Variants in HIC1 observed in about 807,000 individuals in gnomAD.
The protein encoded by HIC1 is HIC ZBTB transcriptional repressor 1, also known as hypermethylated in cancer 1 protein.
HIC1 carries 9 observed loss-of-function variants against 26.4 expected under a neutral mutation model. That is an observed-to-expected ratio of 0.34 (90% CI 0.21 to 0.59). The LOEUF is 0.59. HIC1 is among the 20% of genes least tolerant of loss of function. The pLI, the probability that HIC1 is intolerant of heterozygous loss-of-function variation, is 0.82. For missense variants in HIC1, 965 were observed against 1,075.7 expected, an observed-to-expected ratio of 0.90 and a Z score of 1.44; for synonymous variants, 631 against 523.1, an observed-to-expected ratio of 1.21 and a Z score of -2.81.
rs2067696725 is a variant in HIC1 at position 2,058,473 on chromosome 17, G to A, written c.1783G>A (p.Ala595Thr). ...CCTCATCAGCCACATGAAGATGCAC[G>A]CCGTGGGGGGCGCGGCCGGCGCGGC... ...RNLISHMKMH[A>T]VGGAAGAAGA... is the part of the protein sequence containing the mutation. Residue 595 changes from alanine to threonine, a missense_variant, in exon 2 of 2, where the codon GCC (alanine) becomes ACC (threonine). Physicochemically the swap from Ala to Thr is moderately conservative, Grantham distance 58. This residue lies in a region of HIC1 where 210 missense variants were observed against 179.2 expected (regional missense o/e 1.17). Coordinates refer to ENST00000619757, the MANE Select transcript of HIC1 (RefSeq NM_006497.4). The A allele has an allele frequency of 6.6e-7, 1 of 1,523,434 alleles. No homozygotes were observed. Among genetic ancestry groups the A allele is most frequent in the Non-Finnish European group, 8.7e-7 (1 of 1,144,384 alleles). The allele number at this position is 1,523,434 out of a possible 1,614,324, so 94.4% of individuals were successfully genotyped here. A position where few individuals can be genotyped will look rare whatever the true frequency, so the allele number is the denominator to read the frequency against.
chr17:2,059,581 G>C lies in HIC1; in HGVS notation c.*746G>C, dbSNP rs1386201208. On this transcript the variant is annotated 3_prime_UTR_variant, in exon 2 of 2. Coordinates refer to ENST00000619757, the MANE Select transcript of HIC1 (RefSeq NM_006497.4). ...GCTGGGCTGGAACGCGGTCTCTTTA[G>C]CTCCCTCCTCTTCGTTTGTATATTT... 1.8e-5 allele frequency: 3 copies of C among 167,062 alleles called. No homozygotes were observed. Among genetic ancestry groups the C allele is most frequent in the Non-Finnish European group, 2.9e-5 (2 of 68,164 alleles). The allele number at this position is 167,062 out of a possible 1,614,324, so 10.3% of individuals were successfully genotyped here. A position where few individuals can be genotyped will look rare whatever the true frequency, so the allele number is the denominator to read the frequency against.
chr17:2,058,072 C>A lies in HIC1; in HGVS notation c.1382C>A (p.Ala461Asp). ...GCGGCCGAAGTGGCCGCTGGGGCCG[C>A]CGGCCTAGGGCCCCCTTTTGGAGGC... ...AEAAEVAAGA[A>D]GLGPPFGGGG... Residue 461 changes from alanine (A) to aspartate (D), a missense_variant, in exon 2 of 2, where the codon GCC (alanine) becomes GAC (aspartate). Coordinates refer to ENST00000619757, the MANE Select transcript of HIC1 (RefSeq NM_006497.4). 1 of 1,581,966 alleles carries A rather than the reference C, an allele frequency of 6.3e-7. No individual in the cohort carries two copies. Among genetic ancestry groups the A allele is most frequent in the South Asian group, 1.1e-5 (1 of 88,646 alleles).
rs962064096 is a variant in HIC1 at position 2,060,515 on chromosome 17, G to C, written c.*1680G>C. 6.6e-6 allele frequency: 1 copy of C among 152,290 alleles called. No homozygotes were observed. The highest frequency in any genetic ancestry group is 2.1e-4 in the South Asian group (1 of 4,840). The allele number at this position is 152,290 out of a possible 1,614,324, so 9.4% of individuals were successfully genotyped here. A position where few individuals can be genotyped will look rare whatever the true frequency, so the allele number is the denominator to read the frequency against. On this transcript the variant is annotated 3_prime_UTR_variant, in exon 2 of 2. Coordinates refer to ENST00000619757, the MANE Select transcript of HIC1 (RefSeq NM_006497.4). Reference sequence around the variant, plus strand: ...CTGCCATGGGTAGTAGAGAGGGAAAGTTCAGAGTGAGAACCCCTATGACGA... The same window carrying C: ...CTGCCATGGGTAGTAGAGAGGGAAACTTCAGAGTGAGAACCCCTATGACGA...
Position 2,058,301 on chromosome 17 carries a change from C to T in HIC1, c.1611C>T (p.Ser537=). The change falls in exon 2 of 2, where the codon AGC becomes AGT. Residue 537 remains serine, a synonymous_variant. Coordinates refer to ENST00000619757, the MANE Select transcript of HIC1 (RefSeq NM_006497.4). ...QRGTMTRHMR[S]HLGLKPFACD... is the part of the protein sequence containing the mutation. ...GGACCATGACGCGCCACATGCGCAG[C>T]CACCTGGGCCTCAAGCCCTTCGCGT... 1.2e-6 allele frequency: 2 copies of T among 1,609,482 alleles called. No homozygotes were observed. The highest frequency in any genetic ancestry group is 2.2e-5 in the South Asian group (2 of 90,700).
intron 1 of HIC1, chr17:2,056,314 CT>C: frequency 6.2e-7 from 1 of 1,613,198 alleles, no homozygotes; most frequent in Non-Finnish European, 8.5e-7. Flanking sequence ...CCCTGAATGA[CT>C]TTTCCTGAAG....
At chr17:2,056,495 G>GGGCC (rs2067673803) in intron 1 of HIC1, 176 bp from the exon 2 acceptor site, 2 of 1,305,766 alleles carry the variant, frequency 1.5e-6, no homozygotes, top group Middle Eastern at 2.5e-4. Context: ...TGGTCCGGGC[G>GGGCC]GGCCGGCCTG....
rs2067664933 is a variant in HIC1, at chr17:2,055,658, G to A, written c.-21+420G>A. Among the ~76,000 whole-genome samples, 1 of 150,986 alleles carries A rather than the reference G, an allele frequency of 6.6e-6. No homozygotes were observed. The highest frequency in any genetic ancestry group is 2.4e-5 in the African/African-American group (1 of 41,148). ...GGCCGCGGGGCCCCGCGGGCCAGGAGGGGAACGGGGTCGGGCGGGCGAGCA... is the reference window on the plus strand; with the variant it reads ...GGCCGCGGGGCCCCGCGGGCCAGGAAGGGAACGGGGTCGGGCGGGCGAGCA... On this transcript the variant is annotated intron_variant, in intron 1 of 1. Transcript: ENST00000619757. The surrounding 1 kb of genome is among the most constrained non-coding windows in gnomAD (Gnocchi z 6.4).
Position 2,056,864 on chromosome 17 carries a change from G to A in HIC1, c.174G>A (p.Val58=), listed in dbSNP as rs1341441019. The change falls in exon 2 of 2, where the codon GTG becomes GTA. Residue 58 remains valine, a synonymous_variant. Transcript: ENST00000619757. ...GCGCCTACCTCAAGTCCCTGGTGGT[G>A]CATGACAACCTGCTCAACCTGGACC... ...ASSAYLKSLV[V]HDNLLNLDHD... 6.2e-7 allele frequency: 1 copy of A among 1,612,854 alleles called. No homozygotes were observed. The highest frequency in any genetic ancestry group is 2.2e-5 in the East Asian group (1 of 44,890).
In HIC1 at chr17:2,055,896, C is replaced by T. The variant is rs936676587; in HGVS notation, c.-21+658C>T. 1.3e-5 allele frequency among the ~76,000 whole-genome samples: 2 copies of T among 150,620 alleles called. No homozygotes were observed. The highest frequency in any genetic ancestry group is 3.9e-4 in the East Asian group (2 of 5,140). On this transcript the variant is annotated intron_variant, in intron 1 of 1. Transcript: ENST00000619757. The surrounding 1 kb of genome is among the most constrained non-coding windows in gnomAD (Gnocchi z 6.4). ...AGGCGCCGGGCCCGCGCGTGTAGGG[C>T]CCAGGCCGAGGCCGGGACGCGGGTG...
rs2067664697 is a variant in HIC1, at chr17:2,055,629, A to G, written c.-21+391A>G. Among the ~76,000 whole-genome samples the G allele has an allele frequency of 6.7e-6, 1 of 148,942 alleles. No individual in the cohort carries two copies. Among genetic ancestry groups the G allele is most frequent in the Admixed American group, 6.6e-5 (1 of 15,116 alleles). The stretch of plus-strand genomic sequence containing the variant: ...AGCCCGGCCCGCCGGGACCGCAGGT[A>G]ACGGGCCGCGGGGCCCCGCGGGCCA... On this transcript the variant is annotated intron_variant, in intron 1 of 1. Transcript: ENST00000619757. This position sits in a 1 kb window ranked among gnomAD's most constrained non-coding sequence, Gnocchi z 6.4.
rs745984814 is a variant in HIC1 at position 2,057,943 on chromosome 17, A to G, written c.1253A>G (p.Tyr418Cys). The G allele has an allele frequency of 6.2e-7, 1 of 1,610,746 alleles. No homozygotes were observed. Among genetic ancestry groups the G allele is most frequent in the South Asian group, 1.1e-5 (1 of 90,660 alleles). The change falls in exon 2 of 2, where the codon TAC becomes TGC. Residue 418 changes from tyrosine (Y) to cysteine (C), a missense_variant. By Grantham distance (194) the Tyr-to-Cys change is radical. Around this residue, in one of 6 missense-constraint regions of HIC1, gnomAD observed 15 missense variants for 36.2 expected, o/e 0.41. Coordinates refer to ENST00000619757, the MANE Select transcript of HIC1 (RefSeq NM_006497.4). ...GEPESFGDNL[Y>C]VCIPCGKGFP... ...CCCGAGAGCTTCGGTGACAACCTGT[A>G]CGTGTGCATTCCGTGCGGCAAGGGC...
At position 2,057,882 on chromosome 17, in the gene HIC1, G is replaced by C; in HGVS notation, c.1192G>C (p.Glu398Gln). 6.9e-6 allele frequency: 11 copies of C among 1,600,370 alleles called. No individual in the cohort carries two copies. The highest frequency in any genetic ancestry group is 1.1e-5 in the South Asian group (1 of 89,308). Residue 398 changes from glutamate (E) to glutamine (Q), a missense_variant, in exon 2 of 2, where the codon GAG (glutamate) becomes CAG (glutamine). By Grantham distance (29) the Glu-to-Gln change is conservative. Coordinates refer to ENST00000619757, the MANE Select transcript of HIC1 (RefSeq NM_006497.4). ...CCCCAGCCCGCCTGGCGGCCACCTC[G>C]AGGGCTACCCATGCCCGCACCTGGC... Reference protein sequence around the residue: ...EDPSPPGGHLEGYPCPHLAYG... With the variant: ...EDPSPPGGHLQGYPCPHLAYG...
chr17:2,057,253 C>A lies in HIC1; in HGVS notation c.563C>A (p.Pro188Gln). The change falls in exon 2 of 2, where the codon CCA becomes CAA. Residue 188 changes from proline (P) to glutamine (Q), a missense_variant. By Grantham distance (76) the Pro-to-Gln change is moderately conservative. This residue lies in a region of HIC1 where 526 missense variants were observed against 525.0 expected (regional missense o/e 1.00). Transcript: ENST00000619757. ...PPPAAEPPSGPEAAVNTHCAE... is the reference protein window; with the variant it reads ...PPPAAEPPSGQEAAVNTHCAE... ...CCTGCCGCGGAGCCGCCCTCGGGCC[C>A]AGAGGCCGCGGTCAACACGCACTGC... is the stretch of plus-strand genomic sequence containing the variant. The A allele has an allele frequency of 6.9e-7, 1 of 1,449,484 alleles. No homozygotes were observed. The highest frequency in any genetic ancestry group is 1.3e-5 in the South Asian group (1 of 76,408). 89.8% of individuals were successfully genotyped at this position (1,449,484 alleles called of 1,614,324 possible). A position where few individuals can be genotyped will look rare whatever the true frequency, so the allele number is the denominator to read the frequency against.
rs2067680924 is a variant in HIC1, at chr17:2,057,263, G to A, written c.573G>A (p.Ala191=). ...AGCCGCCCTCGGGCCCAGAGGCCGC[G>A]GTCAACACGCACTGCGCCGAGCTGT... ...AAEPPSGPEA[A]VNTHCAELYA... Residue 191 remains alanine, a synonymous_variant, in exon 2 of 2, where the codon GCG becomes GCA. Coordinates refer to ENST00000619757, the MANE Select transcript of HIC1 (RefSeq NM_006497.4). 1 of 1,457,868 alleles carries A rather than the reference G, an allele frequency of 6.9e-7. No homozygotes were observed. The highest frequency in any genetic ancestry group is 9.0e-7 in the Non-Finnish European group (1 of 1,110,046). 90.3% of individuals were successfully genotyped at this position (1,457,868 alleles called of 1,614,324 possible).
In HIC1 at chr17:2,062,417, T is replaced by C. The variant is rs1438915064; in HGVS notation, c.*3582T>C. ...ATAACCTTTTTTTCCTACAGCATCA[T>C]GATCATATTAGCCACACTTTCAGAG... On this transcript the variant is annotated 3_prime_UTR_variant, in exon 2 of 2. Coordinates refer to ENST00000619757, the MANE Select transcript of HIC1 (RefSeq NM_006497.4). 1.3e-5 allele frequency: 2 copies of C among 152,228 alleles called. No individual in the cohort carries two copies. The highest frequency in any genetic ancestry group is 4.8e-5 in the African/African-American group (2 of 41,466). The allele number at this position is 152,228 out of a possible 1,614,324, so 9.4% of individuals were successfully genotyped here.
At chr17:2,056,539 C>T in intron 1 of HIC1, 132 bp from the exon 2 acceptor site, 1 of 1,374,638 alleles carries the variant, frequency 7.3e-7, no homozygotes, top group Non-Finnish European at 9.8e-7. Context: ...GGTCCTTCGC[C>T]GGTGCCCAGG....
At position 2,057,533 on chromosome 17, in the gene HIC1, C is replaced by T. The variant is rs967466671; in HGVS notation, c.843C>T (p.Ala281=). The T allele has an allele frequency of 1.6e-4, 235 of 1,496,486 alleles. No homozygotes were observed. Among genetic ancestry groups the T allele is most frequent in the Non-Finnish European group, 2.0e-4 (226 of 1,128,648 alleles). 92.7% of individuals were successfully genotyped at this position (1,496,486 alleles called of 1,614,324 possible). The change falls in exon 2 of 2, where the codon GCC becomes GCT. Residue 281 remains alanine (A), a synonymous_variant. Coordinates refer to ENST00000619757, the MANE Select transcript of HIC1 (RefSeq NM_006497.4). ...PPLPFQKLEE[A]APPSDPFRGG... is the part of the protein sequence containing the mutation. ...TGCCCTTCCAGAAGCTGGAGGAGGCCGCACCGCCTTCCGACCCATTTCGCG... is the reference window on the plus strand; with the variant it reads ...TGCCCTTCCAGAAGCTGGAGGAGGCTGCACCGCCTTCCGACCCATTTCGCG...
rs948573888 is a variant in HIC1, at chr17:2,059,017, G to C, written c.*182G>C. The C allele has an allele frequency of 3.8e-6, 2 of 531,888 alleles. No homozygotes were observed. The highest frequency in any genetic ancestry group is 2.0e-5 in the African/African-American group (1 of 49,498). The allele number at this position is 531,888 out of a possible 1,614,324, so 32.9% of individuals were successfully genotyped here. On this transcript the variant is annotated 3_prime_UTR_variant, in exon 2 of 2. Transcript: ENST00000619757. ...GCTTCGTGCCTTAGCTCGGGGGTCG[G>C]GGGAGAACCCCGGGACGGGGGTGGG...
chr17:2,055,909 C>G lies in HIC1; in HGVS notation c.-21+671C>G, dbSNP rs1158703468. Among the ~76,000 whole-genome samples the G allele has an allele frequency of 6.6e-6, 1 of 150,436 alleles. No individual in the cohort carries two copies. The highest frequency in any genetic ancestry group is 2.4e-5 in the African/African-American group (1 of 41,094). ...GCGCGTGTAGGGCCCAGGCCGAGGC[C>G]GGGACGCGGGTGGGGCGCAGGCCCG... On this transcript the variant is annotated intron_variant, in intron 1 of 1. Transcript: ENST00000619757. This position sits in a 1 kb window ranked among gnomAD's most constrained non-coding sequence, Gnocchi z 6.4.
Sources: allele counts gnomAD v4.1 joint callset (sites outside exome capture counted in the v4.1 genomes callset), GRCh38; gene constraint gnomAD v4.1.1; regional missense constraint gnomAD v4.1.1; non-coding constraint Gnocchi (gnomAD v3.1); transcripts MANE v1.5; gene names NCBI Gene and HGNC (gene_info 2026-07-23, HGNC 2026-07-21).